Variants in ABL1 observed in about 807,000 individuals in gnomAD.
The protein encoded by ABL1 is tyrosine-protein kinase ABL1.
In ABL1, 11 loss-of-function variants were observed where a neutral mutation model predicts 94.7. The ratio of observed to expected loss-of-function variants is 0.12; its 90% confidence interval spans 0.07 to 0.19. The LOEUF is 0.19. ABL1 is among the 10% of genes least tolerant of loss of function. ABL1 has a pLI of 1.00. For synonymous variants in ABL1, 656 were observed against 622.4 expected, an observed-to-expected ratio of 1.05 and a Z score of -0.80; for missense variants, 1,082 against 1,489.4, an observed-to-expected ratio of 0.73 and a Z score of 4.50.
At chr9:130,718,031 T>C (rs1446991798) in intron 1 of ABL1, among the ~76,000 whole-genome samples, 1 of 135,088 alleles carries the variant, frequency 7.4e-6, no homozygotes, top group East Asian at 2.2e-4. Flanking sequence ...AAAAAAGAAA[T>C]TCCTGGCTGG....
At chr9:130,826,482 C>T (rs897940146) in intron 1 of ABL1, among the ~76,000 whole-genome samples, 2 of 152,046 alleles carry the variant, frequency 1.3e-5, no homozygotes, top group African/African-American at 2.4e-5. Flanking sequence ...CCAAAGGAGA[C>T]AGTAGGGGAT....
intron 1 of ABL1, among the ~76,000 whole-genome samples, chr9:130,715,056 A>G (rs1831420233): frequency 6.6e-6 from 1 of 152,190 alleles, no homozygotes. Context: ...TACCTTCCAT[A>G]AGGAGTAATC....
At chr9:130,784,869 A>G (rs1295929898) in intron 1 of ABL1, among the ~76,000 whole-genome samples, 3 of 152,198 alleles carry the variant, frequency 2.0e-5, no homozygotes, top group Non-Finnish European at 2.9e-5. Context: ...AGGCCATGCA[A>G]CACGGCCATT....
chr9:130,795,104 A>G (rs1162055171), intron 1 of ABL1, among the ~76,000 whole-genome samples: 2 of 152,152 alleles, frequency 1.3e-5, no homozygotes, highest in Non-Finnish European at 2.9e-5. Flanking sequence ...AGTTAGTGTT[A>G]CCCAAGTGGT....
In ABL1 at chr9:130,714,563, T is replaced by G. The variant is rs777889588; in HGVS notation, c.136+108T>G. On this transcript the variant is annotated intron_variant, in intron 1 of 10. Transcript: ENST00000372348. ...TGCGACAGTTCCTTCCAATTCCACT[T>G]AATAAATTTGTTACTGTAGTTATCT... The G allele has an allele frequency of 4.9e-6, 7 of 1,441,610 alleles. 1 individual carries two copies. In the South Asian group the frequency reaches 8.0e-5, roughly 17 times the overall value. The allele number at this position is 1,441,610 out of a possible 1,614,324, so 89.3% of individuals were successfully genotyped here.
At chr9:130,851,328 T>C (rs1026079814) in intron 1 of ABL1, among the ~76,000 whole-genome samples, 1 of 152,178 alleles carries the variant, frequency 6.6e-6, no homozygotes, top group African/African-American at 2.4e-5. Context: ...AAATTATCTT[T>C]GCCCCCCGCC....
chr9:130,721,018 T>A lies in ABL1; in HGVS notation c.136+6563T>A, dbSNP rs575019252. 2.8e-3 allele frequency among the ~76,000 whole-genome samples: 371 copies of A among 133,650 alleles called. 3 individuals carry two copies. The highest frequency in any genetic ancestry group is 9.9e-3 in the African/African-American group (358 of 36,050). 87.7% of individuals were successfully genotyped at this position (133,650 alleles called of 152,430 possible). On this transcript the variant is annotated intron_variant, in intron 1 of 10. Transcript: ENST00000372348. ...GACCCTGTCTCAAAAAAAAAAAAAA[T>A]ATTTACCATCAGGTAAAACCACTTA...
At chr9:130,812,336 C>T (rs1830220929) in intron 1 of ABL1, among the ~76,000 whole-genome samples, 1 of 151,662 alleles carries the variant, frequency 6.6e-6, no homozygotes, top group Non-Finnish European at 1.5e-5. Context: ...ACTCCTCCAG[C>T]CTGGGTGACA....
chr9:130,758,314 C>T (rs1432074588), intron 1 of ABL1, among the ~76,000 whole-genome samples: 1 of 151,968 alleles, frequency 6.6e-6, no homozygotes, highest in Admixed American at 6.6e-5. Context: ...GCGTGTACTA[C>T]CACGTCTGGC....
chr9:130,876,522 ATTC>A (rs1396831557), intron 7 of ABL1, among the ~76,000 whole-genome samples: 1 of 151,336 alleles, frequency 6.6e-6, no homozygotes, highest in East Asian at 1.9e-4. Flanking sequence ...GATTCAAGCA[ATTC>A]TTCTGCCTCA....
intron 1 of ABL1, among the ~76,000 whole-genome samples, chr9:130,793,841 C>G (rs554021688): frequency 6.6e-6 from 1 of 152,298 alleles, no homozygotes; most frequent in African/African-American, 2.4e-5. Flanking sequence ...AGCTCCGCCT[C>G]CTGTCAGATC....
chr9:130,815,248 C>T (rs567622382), intron 1 of ABL1, among the ~76,000 whole-genome samples: 2 of 151,272 alleles, frequency 1.3e-5, no homozygotes, highest in Admixed American at 6.6e-5. Flanking sequence ...GCAGGAGAAT[C>T]GCTTGAACCC....
intron 1 of ABL1, among the ~76,000 whole-genome samples, chr9:130,726,448 T>C (rs1274461010): frequency 6.6e-6 from 1 of 152,194 alleles, no homozygotes; most frequent in African/African-American, 2.4e-5. Flanking sequence ...GGGTCTGTGG[T>C]GATATGCTTT....
intron 6 of ABL1, among the ~76,000 whole-genome samples, chr9:130,873,441 G>A (rs922931059): frequency 6.6e-6 from 1 of 152,206 alleles, no homozygotes; most frequent in East Asian, 1.9e-4. Flanking sequence ...CCTGGGAGCC[G>A]CTGGCATTGC....
chr9:130,713,046 C>A (rs2132659289), exon 1 of ABL1, among the ~76,000 whole-genome samples: 1 of 152,322 alleles, frequency 6.6e-6, no homozygotes, highest in African/African-American at 2.4e-5. Flanking sequence ...GGCTCGTAAT[C>A]CATCATGGCG....
chr9:130,826,680 G>A (rs1349718112), intron 1 of ABL1, among the ~76,000 whole-genome samples: 1 of 152,154 alleles, frequency 6.6e-6, no homozygotes, highest in Non-Finnish European at 1.5e-5. Flanking sequence ...GGGATCAATT[G>A]AGAGCCTATA....
In ABL1 at chr9:130,878,566, A is replaced by C; in HGVS notation, c.1422A>C (p.Ala474=). The change falls in exon 8 of 11, where the codon GCA becomes GCC. Residue 474 remains alanine, a splice_region_variant and synonymous_variant. Transcript: ENST00000318560. ...AGAAGGTCTATGAACTCATGCGAGC[A>C]TGTAAGCCTTCCTCAGCCTGTTCTC... ...CPEKVYELMR[A]CWQWNPSDRP... is the part of the protein sequence containing the mutation. 2 of 1,614,118 alleles carry C rather than the reference A, an allele frequency of 1.2e-6. No homozygotes were observed. The highest frequency in any genetic ancestry group is 8.5e-7 in the Non-Finnish European group (1 of 1,179,970).
intron 1 of ABL1, among the ~76,000 whole-genome samples, chr9:130,844,805 A>G (rs1351093572): frequency 6.6e-6 from 1 of 152,220 alleles, no homozygotes; most frequent in Non-Finnish European, 1.5e-5. Flanking sequence ...CGGTTTCCCC[A>G]CCAAACAAAA....
chr9:130,858,146 G>A lies in ABL1; in HGVS notation c.549+3050G>A, dbSNP rs989737849. Among the ~76,000 whole-genome samples the A allele has an allele frequency of 4.6e-5, 7 of 151,710 alleles. No homozygotes were observed. In the East Asian group the frequency reaches 1.4e-3, roughly 29 times the overall value. On this transcript the variant is annotated intron_variant, in intron 3 of 10. Coordinates refer to ENST00000318560, the MANE Select transcript of ABL1 (RefSeq NM_005157.6). ...ATAATGGTTTCTTTTCCCTAGAGCT[G>A]TTTAATCAGCAACCTTGGAACAGAT...
Sources: allele counts gnomAD v4.1 joint callset (sites outside exome capture counted in the v4.1 genomes callset), GRCh38; gene constraint gnomAD v4.1.1; transcripts MANE v1.5; gene names NCBI Gene and HGNC (gene_info 2026-07-23, HGNC 2026-07-21).